The following DNAH3 variants were observed in gnomAD, a reference collection of about 807,000 sequenced individuals.
DNAH3 encodes axonemal beta dynein heavy chain 3.
A neutral mutation model predicts 432.5 loss-of-function variants in DNAH3; 332 were observed. The ratio of observed to expected loss-of-function variants is 0.77; its 90% CI spans 0.70 to 0.84. The LOEUF (loss-of-function observed/expected upper bound fraction) is 0.84, where lower values mean the gene tolerates loss of function less well. DNAH3 is among the 40% of genes least tolerant of loss of function. The pLI is 0.00. For synonymous variants in DNAH3, 1,956 were observed against 1,900.2 expected (o/e 1.03, Z -0.76); for missense variants, 4,861 against 5,114.0 (o/e 0.95, Z 1.51).
intron 36 of DNAH3, among the ~76,000 whole-genome samples, chr16:21,031,961 G>A (rs1227712522): frequency 6.6e-6 from 1 of 152,024 alleles, no homozygotes; most frequent in African/African-American, 2.4e-5. Context: ...CTTGGACCTG[G>A]GAGGTGGAGG....
At chr16:21,012,261 T>G (rs919900801) in intron 41 of DNAH3, among the ~76,000 whole-genome samples, 6 of 152,150 alleles carry the variant, frequency 3.9e-5, no homozygotes. Context: ...GAAAATTATT[T>G]TTTTCCTTGC....
intron 55 of DNAH3, 149 bp from the exon 56 acceptor site, chr16:20,952,698 G>T (rs1312920791): frequency 3.4e-6 from 2 of 590,286 alleles, no homozygotes; most frequent in Non-Finnish European, 6.2e-6. Flanking sequence ...TATTAGCCTG[G>T]ACGTTTACCA....
chr16:21,101,726 A>C (rs2091842672), intron 16 of DNAH3, among the ~76,000 whole-genome samples: 2 of 152,292 alleles, frequency 1.3e-5, no homozygotes, highest in South Asian at 2.1e-4. Context: ...ATGGAGGAGG[A>C]GGCATTGACA....
At chr16:21,061,828 T>C (rs116604559) in intron 25 of DNAH3, among the ~76,000 whole-genome samples, 3,233 of 152,302 alleles carry the variant, frequency 0.021, 123 homozygotes, top group African/African-American at 0.073. Context: ...CCCAAATTAT[T>C]CAGTGTTAGA....
rs753598796 is a variant in DNAH3 at position 20,963,276 on chromosome 16, G to A, written c.10600+8C>T. On this transcript the variant is annotated splice_region_variant and intron_variant, in intron 53 of 61. Transcript: ENST00000261383. The stretch of plus-strand genomic sequence containing the variant: ...TTCCACGTCTCTCCCACAACACTCT[G>A]TTCTTACCTGCCATTGGGTCTGCAC... 6.2e-7 allele frequency: 1 copy of A among 1,611,478 alleles called. No homozygotes were observed. Among genetic ancestry groups the A allele is most frequent in the Non-Finnish European group, 8.5e-7 (1 of 1,178,686 alleles).
At chr16:21,128,970 A>G (rs2092501193) in intron 7 of DNAH3, among the ~76,000 whole-genome samples, 2 of 151,954 alleles carry the variant, frequency 1.3e-5, no homozygotes, top group South Asian at 4.1e-4. Flanking sequence ...AGAAGAAATG[A>G]GAGTTTTCTC....
At chr16:20,952,616 C>A in intron 55 of DNAH3, 67 bp from the exon 56 acceptor site, 2 of 1,017,908 alleles carry the variant, frequency 2.0e-6, no homozygotes, top group East Asian at 2.4e-5. Context: ...AAAGACCAAG[C>A]CGAGGGAGTT....
intron 21 of DNAH3, among the ~76,000 whole-genome samples, chr16:21,075,220 C>T (rs73542614): frequency 0.024 from 3,582 of 152,138 alleles, 145 homozygotes; most frequent in African/African-American, 0.081. Flanking sequence ...CTGAGAAAGC[C>T]TCTTGCTCTG....
At chr16:21,157,304 C>T (rs1052447013) in intron 1 of DNAH3, among the ~76,000 whole-genome samples, 24 of 150,896 alleles carry the variant, frequency 1.6e-4, no homozygotes, top group South Asian at 4.2e-4. Context: ...CACACTATTG[C>T]ACCAGTCCTC....
At chr16:21,032,079 C>T (rs2088908881) in intron 36 of DNAH3, among the ~76,000 whole-genome samples, 1 of 151,468 alleles carries the variant, frequency 6.6e-6, no homozygotes, top group Admixed American at 6.6e-5. Flanking sequence ...ACTGCCCTCA[C>T]AGAACTCAAG....
At chr16:20,998,316 G>A (rs1267695787) in intron 43 of DNAH3, among the ~76,000 whole-genome samples, 1 of 152,144 alleles carries the variant, frequency 6.6e-6, no homozygotes, top group Non-Finnish European at 1.5e-5. Flanking sequence ...GTGCAGAGGT[G>A]TGATCTCAGC....
chr16:21,032,550 T>A lies in DNAH3; in HGVS notation c.5198-1264A>T, dbSNP rs139404863. Among the ~76,000 whole-genome samples, 31 of 152,232 alleles carry A rather than the reference T, an allele frequency of 2.0e-4. 2 individuals are homozygous for A. In the East Asian group the frequency reaches 6.0e-3, roughly 29 times the overall value. ...CCTCTGGGCCAGGTGTTGTGGCTCA[T>A]GCCTGTAATCTCAGCACTTTGGGAG... is the stretch of plus-strand genomic sequence containing the variant. On this transcript the variant is annotated intron_variant, in intron 36 of 61. Transcript: ENST00000261383.
chr16:21,020,375 C>T (rs1486091620), intron 40 of DNAH3, among the ~76,000 whole-genome samples: 2 of 32,958 alleles, frequency 6.1e-5, no homozygotes, highest in African/African-American at 3.5e-4. Flanking sequence ...TATAAAATCA[C>T]TATATATATA....
At chr16:21,113,195 T>C (rs2092112565) in intron 12 of DNAH3, among the ~76,000 whole-genome samples, 2 of 152,234 alleles carry the variant, frequency 1.3e-5, no homozygotes, top group African/African-American at 4.8e-5. Flanking sequence ...TCAACTTGAA[T>C]TGTATCTCCC....
intron 18 of DNAH3, among the ~76,000 whole-genome samples, chr16:21,095,107 T>C (rs1260775438): frequency 6.6e-6 from 1 of 152,130 alleles, no homozygotes; most frequent in African/African-American, 2.4e-5. Flanking sequence ...TTATCACACA[T>C]TGGTGAGGGA....
intron 16 of DNAH3, among the ~76,000 whole-genome samples, chr16:21,102,796 T>C (rs1381908906): frequency 1.3e-5 from 2 of 152,022 alleles, no homozygotes; most frequent in Non-Finnish European, 2.9e-5. Flanking sequence ...GTGGTAGATA[T>C]ATAGAGTGGA....
chr16:20,981,229 G>A (rs966999601), intron 49 of DNAH3, among the ~76,000 whole-genome samples: 1 of 152,158 alleles, frequency 6.6e-6, no homozygotes, highest in South Asian at 2.1e-4. Flanking sequence ...TGGAGGAAAT[G>A]CAAAGTACCA....
chr16:21,052,973 G>A (rs1351527898), intron 28 of DNAH3, among the ~76,000 whole-genome samples: 1 of 152,128 alleles, frequency 6.6e-6, no homozygotes, highest in African/African-American at 2.4e-5. Flanking sequence ...TCATGGGAAC[G>A]TAAGCCCTGA....
In DNAH3 at chr16:21,125,290, G is replaced by C; in HGVS notation, c.1289C>G (p.Ser430Ter). ...AAAATATTCCTCAATGTTTCGACTT[G>C]AGTCATAGTTGCTCTTGGGAGCAAA... The change falls in exon 9 of 62, where the codon TCA (serine) becomes TGA (stop). Residue 430 changes from serine to a stop codon, truncating the protein, a stop_gained. Coordinates refer to ENST00000261383, the Ensembl canonical transcript of DNAH3. LOFTEE classifies it high-confidence loss of function. 6.2e-7 allele frequency: 1 copy of C among 1,613,756 alleles called. No homozygotes were observed. The highest frequency in any genetic ancestry group is 8.5e-7 in the Non-Finnish European group (1 of 1,179,836).
Sources: gnomAD v4.1 joint callset for allele counts (sites outside exome capture counted in the v4.1 genomes callset) on GRCh38, gnomAD v4.1.1 for gene constraint, MANE v1.5 for transcripts, NCBI Gene and HGNC (gene_info 2026-07-23, HGNC 2026-07-21) for gene names.